PAQR3: variants seen among roughly 807,000 people sequenced by gnomAD.
PAQR3 encodes the protein Raf kinase trapping to Golgi.
Under a neutral mutation model 41.7 loss-of-function variants are expected in PAQR3, and 39 were observed. That is an observed-to-expected ratio of 0.93 (90% CI 0.72 to 1.22). The LOEUF is 1.22. Ranked by LOEUF, PAQR3 falls within the 50% of genes most tolerant of loss-of-function variation. PAQR3 has a pLI of 0.00. For missense variants in PAQR3, 366 were observed against 385.6 expected, an observed-to-expected ratio of 0.95 and a Z score of 0.42; for synonymous variants, 140 against 140.6, an observed-to-expected ratio of 1.00 and a Z score of 0.03.
intron 2 of PAQR3, 94 bp downstream of exon 2, chr4:78,935,027 A>T: frequency 1.7e-6 from 2 of 1,193,832 alleles, no homozygotes; most frequent in Non-Finnish European, 1.2e-6. Context: ...GGGGCTCTTT[A>T]AAGCAAGTGG....
intron 2 of PAQR3, among the ~76,000 whole-genome samples, chr4:78,933,387 T>G (rs1737112698): frequency 6.6e-6 from 1 of 152,190 alleles, no homozygotes; most frequent in Non-Finnish European, 1.5e-5. Flanking sequence ...CAGAATGTAC[T>G]CTATTTATCT....
chr4:78,894,345 T>C (rs1327486701), intron 11 of PAQR3, among the ~76,000 whole-genome samples: 2 of 152,226 alleles, frequency 1.3e-5, no homozygotes, highest in African/African-American at 4.8e-5. Context: ...ATTGAAAATC[T>C]GTTGTTTAGT....
chr4:78,913,326 AC>A lies in PAQR3; in HGVS notation c.*7212del, dbSNP rs1734769751. 1 of 152,138 alleles carries A rather than the reference AC, an allele frequency of 6.6e-6. No individual in the cohort carries two copies. The highest frequency in any genetic ancestry group is 1.5e-5 in the Non-Finnish European group (1 of 67,992). The allele number at this position is 152,138 out of a possible 1,614,324, so 9.4% of individuals were successfully genotyped here. A position where few individuals can be genotyped will look rare whatever the true frequency, so the allele number is the denominator to read the frequency against. ...TGTCTTTACTGAAAAGAACCCAGCT[AC>A]CAATTTGCCTTTTTTTACACCACAA... On this transcript the variant is annotated 3_prime_UTR_variant, in exon 6 of 6. Transcript: ENST00000512733.
At position 78,916,505 on chromosome 4, in the gene PAQR3, A is replaced by G. The variant is rs1735084021; in HGVS notation, c.*4034T>C. 1 of 151,896 alleles carries G rather than the reference A, an allele frequency of 6.6e-6. No individual in the cohort carries two copies. The highest frequency in any genetic ancestry group is 1.5e-5 in the Non-Finnish European group (1 of 67,864). The allele number at this position is 151,896 out of a possible 1,614,324, so 9.4% of individuals were successfully genotyped here. On this transcript the variant is annotated 3_prime_UTR_variant, in exon 6 of 6. Transcript: ENST00000512733. ...AGCTAGTGGAATAGAAAAGTTGCTA[A>G]GATTAGATCCCTATTCTTAAGGAGC...
intron 1 of PAQR3, among the ~76,000 whole-genome samples, chr4:78,936,193 C>T (rs183559391): frequency 9.1e-4 from 138 of 152,272 alleles, no homozygotes; most frequent in African/African-American, 3.2e-3. Context: ...AAATGGTTCT[C>T]CAGATGTAGA....
At chr4:78,938,281 A>G (rs1325000330) in intron 1 of PAQR3, among the ~76,000 whole-genome samples, 2 of 152,214 alleles carry the variant, frequency 1.3e-5, no homozygotes, top group East Asian at 3.8e-4. Context: ...TTACTCCAAG[A>G]ACTAGAATAG....
In PAQR3 at chr4:78,922,343, G is replaced by A. The variant is rs961297069; in HGVS notation, c.793+1514C>T. The A allele has an allele frequency of 3.1e-5, 40 of 1,288,422 alleles. No individual in the cohort carries two copies. The Admixed American group carries it at 6.4e-4, about 21-fold the overall frequency. 79.8% of individuals were successfully genotyped at this position (1,288,422 alleles called of 1,614,324 possible). ...TCTGTGGGATGGATTGTTTAGGCCA[G>A]GGTTTCTCACCCTTTCTTCTTTCCC... On this transcript the variant is annotated intron_variant, in intron 5 of 5. Transcript: ENST00000512733.
chr4:78,911,790 G>T, downstream of PAQR3: 1 of 1,613,982 alleles, frequency 6.2e-7, no homozygotes, highest in African/African-American at 1.3e-5. Context: ...ACCTGTCATG[G>T]CACCCTCCAC....
In PAQR3 at chr4:78,915,296, A is replaced by G. The variant is rs945810829; in HGVS notation, c.*5243T>C. 6.6e-6 allele frequency: 1 copy of G among 151,980 alleles called. No homozygotes were observed. The highest frequency in any genetic ancestry group is 1.5e-5 in the Non-Finnish European group (1 of 67,924). 9.4% of individuals were successfully genotyped at this position (151,980 alleles called of 1,614,324 possible). A position where few individuals can be genotyped will look rare whatever the true frequency, so the allele number is the denominator to read the frequency against. On this transcript the variant is annotated 3_prime_UTR_variant, in exon 6 of 6. Transcript: ENST00000512733. ...AGCCCACTCTTCTATGCTGAAGTTC[A>G]CCAGGCAGAGCAGTTTTCTTACAAG... is the stretch of plus-strand genomic sequence containing the variant.
At position 78,923,842 on chromosome 4, in the gene PAQR3, A is replaced by G; in HGVS notation, c.793+15T>C. ...TAGACTAACAATACAAAACTGCTAT[A>G]AAAGAGATACCTACCTGGAAAGTAC... On this transcript the variant is annotated intron_variant, in intron 5 of 5. Transcript: ENST00000512733. 6.4e-7 allele frequency: 1 copy of G among 1,564,210 alleles called. No homozygotes were observed. The highest frequency in any genetic ancestry group is 8.8e-7 in the Non-Finnish European group (1 of 1,134,658).
chr4:78,910,727 C>T (rs1225798651), downstream of PAQR3: 1 of 1,613,516 alleles, frequency 6.2e-7, no homozygotes, highest in African/African-American at 1.3e-5. Context: ...GGAAAGAAAA[C>T]CTCAGTACAG....
intron 11 of PAQR3, among the ~76,000 whole-genome samples, chr4:78,899,326 G>T (rs1419596101): frequency 2.0e-5 from 3 of 152,144 alleles, no homozygotes; most frequent in Non-Finnish European, 4.4e-5. Context: ...AATTGGTGAA[G>T]TTCTTTTCTG....
intron 11 of PAQR3, among the ~76,000 whole-genome samples, chr4:78,892,650 A>AC (rs1440905353): frequency 6.6e-6 from 1 of 152,238 alleles, no homozygotes; most frequent in Non-Finnish European, 1.5e-5. Flanking sequence ...CTTTGGAGAT[A>AC]CTGCAGGTTC....
intron 11 of PAQR3, among the ~76,000 whole-genome samples, chr4:78,893,779 C>T (rs1733563693): frequency 6.6e-6 from 1 of 152,128 alleles, no homozygotes; most frequent in East Asian, 1.9e-4. Context: ...TGCCCAGGTT[C>T]GTCTTGAACT....
At position 78,912,925 on chromosome 4, in the gene PAQR3, T is replaced by A. The variant is rs1229173238; in HGVS notation, c.*7614A>T. The stretch of plus-strand genomic sequence containing the variant: ...TATGCATGGCTTCTTGCCCCAAACT[T>A]TTATTGTGATGGCCCTAATAAAGCA... On this transcript the variant is annotated 3_prime_UTR_variant, in exon 6 of 6. Transcript: ENST00000512733. The A allele has an allele frequency of 3.3e-5, 5 of 152,148 alleles. No individual in the cohort carries two copies. The highest frequency in any genetic ancestry group is 1.2e-4 in the African/African-American group (5 of 41,440). The allele number at this position is 152,148 out of a possible 1,614,324, so 9.4% of individuals were successfully genotyped here. A position where few individuals can be genotyped will look rare whatever the true frequency, so the allele number is the denominator to read the frequency against.
At chr4:78,938,948 A>G (rs1737732026) in intron 1 of PAQR3, 92 bp downstream of exon 1, 1 of 1,266,866 alleles carries the variant, frequency 7.9e-7, no homozygotes, top group Non-Finnish European at 1.1e-6. Flanking sequence ...ATGATGGGCA[A>G]GCAGAAAGGC....
chr4:78,909,875 T>G (rs888380046), downstream of PAQR3, among the ~76,000 whole-genome samples: 3 of 152,228 alleles, frequency 2.0e-5, no homozygotes, highest in Admixed American at 6.5e-5. Flanking sequence ...TATATTTCTT[T>G]CGTTGAATGA....
chr4:78,908,684 G>A (rs1413247514), downstream of PAQR3, among the ~76,000 whole-genome samples: 2 of 152,058 alleles, frequency 1.3e-5, no homozygotes, highest in African/African-American at 2.4e-5. Context: ...CATATGTCAA[G>A]CTTAATGTCT....
At chr4:78,921,611 C>T (rs1203425946) in intron 5 of PAQR3, 1 of 854,928 alleles carries the variant, frequency 1.2e-6, no homozygotes, top group East Asian at 1.2e-4. Flanking sequence ...ATCAGAGATC[C>T]ACTCAATTCT....
Sources: gnomAD v4.1 joint callset for allele counts (sites outside exome capture counted in the v4.1 genomes callset) on GRCh38, gnomAD v4.1.1 for gene constraint, MANE v1.5 for transcripts, NCBI Gene and HGNC (gene_info 2026-07-23, HGNC 2026-07-21) for gene names.